Variants in ALKBH8 observed in about 807,000 individuals in gnomAD.
ALKBH8 encodes the protein alkB homolog 8, tRNA methyltransferase, also known as tRNA (carboxymethyluridine(34)-5-O)-methyltransferase ALKBH8.
Under a neutral mutation model 59.8 loss-of-function variants are expected in ALKBH8, and 36 were observed. The ratio of observed to expected loss-of-function variants is 0.60; its 90% CI spans 0.46 to 0.79. ALKBH8 has a LOEUF of 0.79. Among genes scored for constraint, ALKBH8 ranks in the 30% least tolerant of loss-of-function variants. ALKBH8 has a pLI of 0.00. For missense variants in ALKBH8, 768 were observed against 801.0 expected (o/e 0.96, Z 0.50); for synonymous variants, 276 against 273.6 (o/e 1.01, Z -0.09).
intron 1 of ALKBH8, chr11:107,562,670 T>C (rs889506225): frequency 6.6e-6 from 1 of 152,116 alleles, no homozygotes; most frequent in African/African-American, 2.4e-5. Context: ...ATGCCAGCAG[T>C]CCAGCTTCCT....
intron 10 of ALKBH8, among the ~76,000 whole-genome samples, 200 bp downstream of exon 10, chr11:107,522,098 GA>G (rs1863136153): frequency 6.6e-6 from 1 of 151,436 alleles, no homozygotes; most frequent in Admixed American, 6.6e-5. Flanking sequence ...AATCTAAAGG[GA>G]GAAAAAAAAT....
intron 1 of ALKBH8, among the ~76,000 whole-genome samples, chr11:107,561,305 C>T (rs933970189): frequency 2.6e-5 from 4 of 151,644 alleles, no homozygotes; most frequent in African/African-American, 4.8e-5. Flanking sequence ...GCAGACTCTA[C>T]AGTATGATTC....
At chr11:107,533,976 A>G (rs950315395) in intron 7 of ALKBH8, among the ~76,000 whole-genome samples, 1 of 152,050 alleles carries the variant, frequency 6.6e-6, no homozygotes, top group Non-Finnish European at 1.5e-5. Context: ...TACAAATACA[A>G]AACATTAGCC....
intron 8 of ALKBH8, among the ~76,000 whole-genome samples, chr11:107,528,572 G>C (rs1863448053): frequency 6.6e-6 from 1 of 152,168 alleles, no homozygotes; most frequent in African/African-American, 2.4e-5. Context: ...GCTCTTGTTA[G>C]CAAGCTAATT....
intron 6 of ALKBH8, among the ~76,000 whole-genome samples, chr11:107,550,815 C>CA (rs1184661314): frequency 6.6e-6 from 1 of 152,184 alleles, no homozygotes; most frequent in Non-Finnish European, 1.5e-5. Context: ...CATGCACACA[C>CA]AGAGAAAAGG....
chr11:107,545,680 T>C (rs1191396656), intron 7 of ALKBH8, among the ~76,000 whole-genome samples: 14 of 152,196 alleles, frequency 9.2e-5, no homozygotes, highest in Non-Finnish European at 5.9e-5. Flanking sequence ...TAGCTCTCTC[T>C]CTCTTCAATA....
chr11:107,540,655 C>CAA (rs1343437851), intron 7 of ALKBH8, among the ~76,000 whole-genome samples: 1 of 152,150 alleles, frequency 6.6e-6, no homozygotes, highest in Non-Finnish European at 1.5e-5. Context: ...TTTGAGCTCT[C>CAA]ACTTATATAC....
chr11:107,531,443 C>T (rs1416012033), intron 8 of ALKBH8, among the ~76,000 whole-genome samples: 1 of 152,192 alleles, frequency 6.6e-6, no homozygotes, highest in South Asian at 2.1e-4. Context: ...ATAACACAAC[C>T]GGCCTCCTCA....
intron 8 of ALKBH8, among the ~76,000 whole-genome samples, chr11:107,529,226 A>T (rs1591280157): frequency 6.6e-6 from 1 of 152,318 alleles, no homozygotes; most frequent in Non-Finnish European, 1.5e-5. Context: ...CAAACTTCCC[A>T]CTATGATTGT....
At chr11:107,558,255 C>T (rs1300088185) in intron 2 of ALKBH8, among the ~76,000 whole-genome samples, 1 of 152,020 alleles carries the variant, frequency 6.6e-6, no homozygotes, top group Admixed American at 6.6e-5. Context: ...TGAAATTGGA[C>T]AATAAGGAAA....
chr11:107,503,863 T>C lies in ALKBH8; in HGVS notation c.*795A>G, dbSNP rs1229424163. On this transcript the variant is annotated 3_prime_UTR_variant, in exon 12 of 12. Transcript: ENST00000428149. The stretch of plus-strand genomic sequence containing the variant: ...TAATAAATTAGTCAGGATTAGTAGT[T>C]ATTTCAGTCACTTAAAAGTAATCTT... 6.6e-6 allele frequency: 1 copy of C among 152,216 alleles called. No homozygotes were observed. Among genetic ancestry groups the C allele is most frequent in the Non-Finnish European group, 1.5e-5 (1 of 68,040 alleles). 9.4% of individuals were successfully genotyped at this position (152,216 alleles called of 1,614,324 possible). A position where few individuals can be genotyped will look rare whatever the true frequency, so the allele number is the denominator to read the frequency against.
intron 6 of ALKBH8, among the ~76,000 whole-genome samples, chr11:107,550,431 T>C (rs917189044): frequency 6.6e-6 from 1 of 152,232 alleles, no homozygotes; most frequent in Admixed American, 6.5e-5. Context: ...CAAGCTTACT[T>C]GGCTCAGCCC....
intron 1 of ALKBH8, among the ~76,000 whole-genome samples, chr11:107,562,368 C>A (rs568388473): frequency 6.7e-6 from 1 of 149,156 alleles, no homozygotes; most frequent in East Asian, 2.0e-4. Flanking sequence ...GTGCCATGTA[C>A]TGAAGGATAA....
chr11:107,530,427 A>G (rs1863537418), intron 8 of ALKBH8, among the ~76,000 whole-genome samples: 1 of 152,168 alleles, frequency 6.6e-6, no homozygotes, highest in South Asian at 2.1e-4. Context: ...ACATGTTTTA[A>G]GTGTATCAAA....
Position 107,532,398 on chromosome 11 carries a change from C to T in ALKBH8, c.780G>A (p.Met260Ile). 1 of 1,612,976 alleles carries T rather than the reference C, an allele frequency of 6.2e-7. No individual in the cohort carries two copies. The highest frequency in any genetic ancestry group is 8.5e-7 in the Non-Finnish European group (1 of 1,179,190). Reference sequence around the variant, plus strand: ...CAATGCCATCTGGGTGCTTAAAATCCATGACAATCTTGAAGCAAAGATAAA... The same window carrying T: ...CAATGCCATCTGGGTGCTTAAAATCTATGACAATCTTGAAGCAAAGATAAA... ...VSLSLGSEIV[M>I]DFKHPDGIAV... The change falls in exon 8 of 12, where the codon ATG becomes ATA. Residue 260 changes from methionine to isoleucine, a missense_variant. Transcript: ENST00000428149.
chr11:107,530,242 G>A (rs998868528), intron 8 of ALKBH8, among the ~76,000 whole-genome samples: 3 of 152,112 alleles, frequency 2.0e-5, no homozygotes, highest in Non-Finnish European at 4.4e-5. Flanking sequence ...ATGATGGCTA[G>A]AATAGTAAAT....
At chr11:107,540,283 C>T (rs976901444) in intron 7 of ALKBH8, among the ~76,000 whole-genome samples, 3 of 152,144 alleles carry the variant, frequency 2.0e-5, no homozygotes, top group Admixed American at 6.5e-5. Context: ...TTGGCAAATT[C>T]CACCTTTCAA....
intron 3 of ALKBH8, among the ~76,000 whole-genome samples, chr11:107,555,622 C>A (rs1015558569): frequency 6.6e-6 from 1 of 152,112 alleles, no homozygotes; most frequent in Admixed American, 6.5e-5. Flanking sequence ...CTAAAATATA[C>A]CTTTAAAAGA....
intron 7 of ALKBH8, among the ~76,000 whole-genome samples, chr11:107,547,818 A>G (rs1864329202): frequency 6.6e-6 from 1 of 152,206 alleles, no homozygotes; most frequent in Non-Finnish European, 1.5e-5. Context: ...GCTTTAACCA[A>G]ACGTCATTCA....
Sources: gnomAD v4.1 joint callset for allele counts (sites outside exome capture counted in the v4.1 genomes callset) on GRCh38, gnomAD v4.1.1 for gene constraint, MANE v1.5 for transcripts, NCBI Gene and HGNC (gene_info 2026-07-23, HGNC 2026-07-21) for gene names.